Variants in SLIT3 observed in about 807,000 individuals in gnomAD.
SLIT3 encodes the protein slit guidance ligand 3.
SLIT3 carries 68 observed loss-of-function variants against 184.0 expected under a neutral mutation model. That is an observed-to-expected ratio of 0.37 (90% CI 0.30 to 0.45). SLIT3 has a LOEUF of 0.45. Among genes scored for constraint, SLIT3 ranks in the 20% least tolerant of loss-of-function variants. The pLI, the probability that SLIT3 is intolerant of heterozygous loss-of-function variation, is 1.00. For missense variants in SLIT3, 1,707 were observed against 2,026.0 expected, an observed-to-expected ratio of 0.84 and a Z score of 3.02; for synonymous variants, 831 against 828.6, an observed-to-expected ratio of 1.00 and a Z score of -0.05.
chr5:168,714,568 A>G (rs896371989), intron 23 of SLIT3, among the ~76,000 whole-genome samples: 3 of 152,170 alleles, frequency 2.0e-5, no homozygotes, highest in African/African-American at 7.2e-5. Context: ...GGGCGACAAG[A>G]GTGAAACTCC....
rs1030491622 is a variant in SLIT3 at position 169,266,542 on chromosome 5, G to A, written c.198-15083C>T. Among the ~76,000 whole-genome samples, 14 of 152,250 alleles carry A rather than the reference G, an allele frequency of 9.2e-5. No homozygotes were observed. The South Asian group carries it at 1.9e-3, about 20-fold the overall frequency. On this transcript the variant is annotated intron_variant, in intron 1 of 35. Coordinates refer to ENST00000519560, the MANE Select transcript of SLIT3 (RefSeq NM_003062.4). ...GAGATCATGTGTCATAAATGGAGGG[G>A]TCCCCCAGAGGAAAGCAGCCTGGGT...
chr5:169,261,325 C>CA (rs59081003), intron 1 of SLIT3, among the ~76,000 whole-genome samples: 11 of 151,728 alleles, frequency 7.2e-5, no homozygotes, highest in South Asian at 6.2e-4. Flanking sequence ...AAACAAAAAA[C>CA]AAAAAAAAAC....
chr5:168,744,532 C>T (rs1763743047), intron 20 of SLIT3, among the ~76,000 whole-genome samples: 1 of 152,170 alleles, frequency 6.6e-6, no homozygotes, highest in Non-Finnish European at 1.5e-5. Context: ...TTCAAAGCTT[C>T]AAAGGGCAGG....
At chr5:169,292,860 A>G (rs2113662450) in intron 1 of SLIT3, among the ~76,000 whole-genome samples, 1 of 152,376 alleles carries the variant, frequency 6.6e-6, no homozygotes, top group East Asian at 1.9e-4. Context: ...ACAAGCTAAC[A>G]GCAGGGAAGA....
chr5:168,998,860 T>A (rs1755604117), intron 4 of SLIT3, among the ~76,000 whole-genome samples: 1 of 151,968 alleles, frequency 6.6e-6, no homozygotes, highest in African/African-American at 2.4e-5. Flanking sequence ...CCAGTCCCAC[T>A]GAATCAGAAA....
chr5:168,964,047 A>C (rs1392983922), intron 4 of SLIT3, among the ~76,000 whole-genome samples: 1 of 152,186 alleles, frequency 6.6e-6, no homozygotes, highest in East Asian at 1.9e-4. Flanking sequence ...GGCAGCCCAA[A>C]TGGACAGAAA....
At chr5:168,992,805 A>C (rs547772849) in intron 4 of SLIT3, among the ~76,000 whole-genome samples, 9 of 152,342 alleles carry the variant, frequency 5.9e-5, no homozygotes, top group Non-Finnish European at 1.3e-4. Context: ...CGCTGCCTCC[A>C]GGATTACTGA....
intron 3 of SLIT3, among the ~76,000 whole-genome samples, chr5:169,207,473 A>G (rs977153293): frequency 2.0e-5 from 3 of 152,074 alleles, no homozygotes; most frequent in Non-Finnish European, 2.9e-5. Context: ...GAGCCAGTAT[A>G]GGATGAACAG....
At chr5:169,086,316 T>C (rs1196297085) in intron 4 of SLIT3, among the ~76,000 whole-genome samples, 1 of 152,186 alleles carries the variant, frequency 6.6e-6, no homozygotes, top group Non-Finnish European at 1.5e-5. Flanking sequence ...GGTGAATCCA[T>C]TGTTTGGATC....
intron 4 of SLIT3, among the ~76,000 whole-genome samples, chr5:168,914,936 T>C (rs1263187543): frequency 6.6e-6 from 1 of 152,252 alleles, no homozygotes; most frequent in African/African-American, 2.4e-5. Flanking sequence ...TTCTTGATTT[T>C]TTTAAATGCT....
At chr5:168,938,061 A>G (rs1762217592) in intron 4 of SLIT3, among the ~76,000 whole-genome samples, 1 of 152,236 alleles carries the variant, frequency 6.6e-6, no homozygotes, top group African/African-American at 2.4e-5. Flanking sequence ...TTTCCTCAGA[A>G]TACGGCAATA....
intron 29 of SLIT3, among the ~76,000 whole-genome samples, chr5:168,692,350 ATCTTTCTCTCTCTCTGTC>A (rs1761932183): frequency 6.6e-6 from 1 of 152,158 alleles, no homozygotes; most frequent in Non-Finnish European, 1.5e-5. Flanking sequence ...GAAAGAGTGG[ATCTTTCTCTCTCTCTGTC>A]TCTTTCTCTC....
At chr5:169,058,632 C>T (rs71603896) in intron 4 of SLIT3, among the ~76,000 whole-genome samples, 19,266 of 152,174 alleles carry the variant, frequency 0.13, 1,291 homozygotes, top group East Asian at 0.25. Context: ...AAAAGCATTC[C>T]TTGTGGCTGC....
At chr5:168,745,477 T>C (rs2113444307) in intron 20 of SLIT3, among the ~76,000 whole-genome samples, 1 of 152,156 alleles carries the variant, frequency 6.6e-6, no homozygotes, top group South Asian at 2.1e-4. Context: ...AGTGGCACGA[T>C]CTTGGCTCAC....
chr5:168,716,253 A>G (rs1490693095), intron 23 of SLIT3, among the ~76,000 whole-genome samples: 9 of 152,160 alleles, frequency 5.9e-5, no homozygotes, highest in East Asian at 1.9e-4. Context: ...GGGATAACAG[A>G]CACATTCTGA....
Position 168,664,730 on chromosome 5 carries a change from T to G in SLIT3, c.*1724A>C, listed in dbSNP as rs979174525. ...TCCTGGGGGAAGGAGGGATGGATGATAAGAGCCAGGGAGTTGGTGTGAACA... is the reference window on the plus strand; with the variant it reads ...TCCTGGGGGAAGGAGGGATGGATGAGAAGAGCCAGGGAGTTGGTGTGAACA... On this transcript the variant is annotated 3_prime_UTR_variant, in exon 36 of 36. Coordinates refer to ENST00000519560, the MANE Select transcript of SLIT3 (RefSeq NM_003062.4). 1 of 152,128 alleles carries G rather than the reference T, an allele frequency of 6.6e-6. No individual in the cohort carries two copies. The highest frequency in any genetic ancestry group is 1.5e-5 in the Non-Finnish European group (1 of 68,066). 9.4% of individuals were successfully genotyped at this position (152,128 alleles called of 1,614,324 possible).
intron 4 of SLIT3, among the ~76,000 whole-genome samples, chr5:169,149,128 C>T (rs559678065): frequency 2.0e-5 from 3 of 152,136 alleles, no homozygotes; most frequent in Non-Finnish European, 4.4e-5. Context: ...CAAGCTAGTC[C>T]GATCTCCTAA....
At chr5:169,250,325 C>G (rs867249721) in intron 2 of SLIT3, among the ~76,000 whole-genome samples, 8 of 152,186 alleles carry the variant, frequency 5.3e-5, no homozygotes, top group Non-Finnish European at 1.0e-4. Flanking sequence ...TAACGCTTCA[C>G]AAGTAATCAC....
At position 168,897,010 on chromosome 5, in the gene SLIT3, C is replaced by G. The variant is rs1276207501; in HGVS notation, c.414-13674G>C. Among the ~76,000 whole-genome samples, 6 of 152,322 alleles carry G rather than the reference C, an allele frequency of 3.9e-5. No homozygotes were observed. The East Asian group carries it at 1.2e-3, about 29-fold the overall frequency. ...TGCAAGGTGGGAATGGGAGGTTCAT[C>G]TGTCACCACTAAAACAAATTCCTTA... On this transcript the variant is annotated intron_variant, in intron 4 of 35. Coordinates refer to ENST00000519560, the MANE Select transcript of SLIT3 (RefSeq NM_003062.4).
Sources: gnomAD v4.1 joint callset for allele counts (sites outside exome capture counted in the v4.1 genomes callset) on GRCh38, gnomAD v4.1.1 for gene constraint, MANE v1.5 for transcripts, NCBI Gene and HGNC (gene_info 2026-07-23, HGNC 2026-07-21) for gene names.